HYCC1: variants seen among roughly 807,000 people sequenced by gnomAD.
HYCC1 encodes the protein hyccin PI4KA lipid kinase complex subunit 1.
the HYCC1 span, chr7:22,976,424 T>C: frequency 2.7e-6 from 2 of 727,448 alleles, no homozygotes; most frequent in South Asian, 1.6e-5. Context: ...CTGCACAGTA[T>C]AAGCACACCA....
the HYCC1 span, among the ~76,000 whole-genome samples, chr7:22,990,526 T>TA: frequency 6.6e-6 from 1 of 152,198 alleles, no homozygotes; most frequent in Non-Finnish European, 1.5e-5. Flanking sequence ...AATTAGCTGA[T>TA]TAAAGAAATA....
the HYCC1 span, among the ~76,000 whole-genome samples, chr7:22,992,661 A>C: frequency 1.3e-5 from 2 of 152,096 alleles, no homozygotes; most frequent in Non-Finnish European, 2.9e-5. Flanking sequence ...GCCTGTATCT[A>C]CTTTTTTTAT....
At chr7:22,945,397 G>C in the HYCC1 span, 2 of 595,904 alleles carry the variant, frequency 3.4e-6, no homozygotes, top group Non-Finnish European at 5.9e-6. Flanking sequence ...TCTTAATCAA[G>C]AAATAACAAA....
At chr7:22,965,438 C>CT in the HYCC1 span, among the ~76,000 whole-genome samples, 2,659 of 143,892 alleles carry the variant, frequency 0.018, 28 homozygotes, top group Middle Eastern at 0.048. Context: ...ATAGATTTTA[C>CT]TTTTTTTTTT....
the HYCC1 span, among the ~76,000 whole-genome samples, chr7:22,909,741 C>T: frequency 6.6e-6 from 1 of 152,224 alleles, no homozygotes; most frequent in African/African-American, 2.4e-5. Context: ...TCCCCGGACC[C>T]TTCTCTCCCT....
At chr7:22,953,333 AAGG>A in the HYCC1 span, among the ~76,000 whole-genome samples, 2 of 151,938 alleles carry the variant, frequency 1.3e-5, no homozygotes, top group African/African-American at 2.4e-5. Context: ...AAGGTGGAGA[AAGG>A]AGGAGTGCTC....
At chr7:22,932,651 T>C in the HYCC1 span, among the ~76,000 whole-genome samples, 1 of 152,120 alleles carries the variant, frequency 6.6e-6, no homozygotes, top group Non-Finnish European at 1.5e-5. Flanking sequence ...TAGTTGATGA[T>C]ATTTAGATGA....
At chr7:22,902,176 T>A in the HYCC1 span, among the ~76,000 whole-genome samples, 1 of 152,050 alleles carries the variant, frequency 6.6e-6, no homozygotes, top group African/African-American at 2.4e-5. Context: ...AGCTTTCAAA[T>A]GTTATAAGTC....
At chr7:22,950,260 T>G in the HYCC1 span, among the ~76,000 whole-genome samples, 1 of 152,004 alleles carries the variant, frequency 6.6e-6, no homozygotes, top group Non-Finnish European at 1.5e-5. Context: ...GCCCCCACGT[T>G]TCACATACCC....
the HYCC1 span, among the ~76,000 whole-genome samples, chr7:22,989,968 G>A: frequency 2.6e-5 from 4 of 152,102 alleles, no homozygotes; most frequent in African/African-American, 9.7e-5. Flanking sequence ...TTATAAAAAA[G>A]TTTGTTGTTG....
chr7:22,928,853 AG>A, the HYCC1 span, among the ~76,000 whole-genome samples: 1 of 152,150 alleles, frequency 6.6e-6, no homozygotes, highest in Admixed American at 6.5e-5. Flanking sequence ...TAAAGTTCAT[AG>A]GGAACCAAAA....
chr7:22,961,405 G>C, the HYCC1 span: 1 of 784,834 alleles, frequency 1.3e-6, no homozygotes, highest in Non-Finnish European at 2.1e-6. Flanking sequence ...CTTTACTGAA[G>C]AAAATAAAAG....
chr7:22,965,788 AACAAAATTTTT>A, the HYCC1 span, among the ~76,000 whole-genome samples: 2 of 151,950 alleles, frequency 1.3e-5, no homozygotes, highest in East Asian at 3.9e-4. Context: ...AGCTGTTTAA[AACAAAATTTTT>A]TTTTGAGATG....
At chr7:22,903,924 A>G in the HYCC1 span, among the ~76,000 whole-genome samples, 6 of 152,192 alleles carry the variant, frequency 3.9e-5, no homozygotes, top group African/African-American at 9.6e-5. Flanking sequence ...AATTTTTATT[A>G]TGAAATGTTG....
At chr7:22,896,269 T>C in the HYCC1 span, among the ~76,000 whole-genome samples, 1 of 152,092 alleles carries the variant, frequency 6.6e-6, no homozygotes, top group Non-Finnish European at 1.5e-5. Flanking sequence ...AAGAGGGAAA[T>C]TGATAAATTG....
the HYCC1 span, among the ~76,000 whole-genome samples, chr7:22,915,496 C>T: frequency 1.3e-4 from 20 of 152,350 alleles, no homozygotes; most frequent in African/African-American, 4.6e-4. Context: ...AGACTGTCCA[C>T]CTTGCCTGGC....
At chr7:22,901,588 A>C in the HYCC1 span, among the ~76,000 whole-genome samples, 3 of 152,262 alleles carry the variant, frequency 2.0e-5, no homozygotes, top group South Asian at 6.2e-4. Context: ...CCCAACTAAG[A>C]TGGTATTTGG....
chr7:22,945,913 T>C, the HYCC1 span: 1 of 1,613,876 alleles, frequency 6.2e-7, no homozygotes, highest in Admixed American at 1.7e-5. Context: ...GATTCTCACT[T>C]TGGGCTCTCT....
chr7:22,922,596 C>T, the HYCC1 span, among the ~76,000 whole-genome samples: 1 of 152,178 alleles, frequency 6.6e-6, no homozygotes, highest in Non-Finnish European at 1.5e-5. Flanking sequence ...CACTTTCACA[C>T]CATTGTAAAG....
Sources: allele counts gnomAD v4.1 joint callset (sites outside exome capture counted in the v4.1 genomes callset), GRCh38; gene constraint gnomAD v4.1.1; transcripts MANE v1.5; gene names NCBI Gene and HGNC (gene_info 2026-07-23, HGNC 2026-07-21).